DSCAM: variants seen among roughly 807,000 people sequenced by gnomAD.
DSCAM encodes DS cell adhesion molecule.
Under a neutral mutation model 217.7 loss-of-function variants are expected in DSCAM, and 47 were observed. The ratio of observed to expected loss-of-function variants is 0.22; its 90% CI spans 0.17 to 0.28. The LOEUF is 0.28. DSCAM is among the 10% of genes least tolerant of loss of function. The pLI is 1.00. For missense variants in DSCAM, 2,080 were observed against 2,618.3 expected, an observed-to-expected ratio of 0.79 and a Z score of 4.49; for synonymous variants, 1,056 against 1,015.3, an observed-to-expected ratio of 1.04 and a Z score of -0.76.
intron 1 of DSCAM, among the ~76,000 whole-genome samples, chr21:40,845,175 T>C (rs141153200): frequency 7.2e-4 from 110 of 152,360 alleles, no homozygotes; most frequent in African/African-American, 2.5e-3. Context: ...TGTCAGAACT[T>C]GTTGCAATTC....
chr21:40,734,543 C>T (rs1021036660), intron 1 of DSCAM, among the ~76,000 whole-genome samples: 9 of 152,340 alleles, frequency 5.9e-5, no homozygotes, highest in Non-Finnish European at 1.2e-4. Flanking sequence ...TTCCATCCAA[C>T]CTGTGTAAAT....
rs1555896636 is a variant in DSCAM, at chr21:40,266,799, TAC to T, written c.2356+9296_2356+9297del. ...ATGCATATATATATATATATATATA[TAC>T]ACACACACACACCCCCACACACATC... On this transcript the variant is annotated intron_variant, in intron 11 of 32. Coordinates refer to ENST00000400454, the MANE Select transcript of DSCAM (RefSeq NM_001389.5). Among the ~76,000 whole-genome samples the T allele has an allele frequency of 1.9e-3, 251 of 129,486 alleles. 3 individuals are homozygous for T. The highest frequency in any genetic ancestry group is 6.6e-3 in the African/African-American group (194 of 29,410). The allele number at this position is 129,486 out of a possible 152,430, so 84.9% of individuals were successfully genotyped here.
chr21:40,549,242 C>A (rs1236833469), intron 3 of DSCAM, among the ~76,000 whole-genome samples: 1 of 152,048 alleles, frequency 6.6e-6, no homozygotes, highest in Non-Finnish European at 1.5e-5. Flanking sequence ...ATACCAACAA[C>A]AAAAATATTA....
chr21:40,715,438 C>T (rs2837793), intron 1 of DSCAM, among the ~76,000 whole-genome samples: 71,319 of 152,032 alleles, frequency 0.47, 20,243 homozygotes, highest in African/African-American at 0.81. Flanking sequence ...ACACCAATTG[C>T]CAAAAGGTGG....
chr21:40,803,972 T>C (rs944516192), intron 1 of DSCAM, among the ~76,000 whole-genome samples: 5 of 152,140 alleles, frequency 3.3e-5, no homozygotes, highest in African/African-American at 9.7e-5. Context: ...AGCCTCAGAC[T>C]CTTTACTCTC....
At chr21:40,114,891 T>G (rs535182967) in intron 20 of DSCAM, among the ~76,000 whole-genome samples, 1 of 152,042 alleles carries the variant, frequency 6.6e-6, no homozygotes, top group African/African-American at 2.4e-5. Context: ...TTAGAATGGC[T>G]ATCATTAAAA....
chr21:40,249,219 G>T (rs2073269204), intron 11 of DSCAM, among the ~76,000 whole-genome samples: 1 of 152,170 alleles, frequency 6.6e-6, no homozygotes, highest in Non-Finnish European at 1.5e-5. Flanking sequence ...TTGGCTCTGT[G>T]TTCCCACCCA....
intron 3 of DSCAM, among the ~76,000 whole-genome samples, chr21:40,514,649 AT>A (rs535523340): frequency 6.6e-6 from 1 of 152,112 alleles, no homozygotes; most frequent in East Asian, 1.9e-4. Flanking sequence ...TTTATGAAAG[AT>A]TTTTTTTCTT....
intron 1 of DSCAM, among the ~76,000 whole-genome samples, chr21:40,790,183 T>TC (rs1335881233): frequency 1.4e-3 from 201 of 139,552 alleles, no homozygotes; most frequent in African/African-American, 4.2e-3. Context: ...TTTCTTTCTT[T>TC]TTTTTTTTTT....
intron 3 of DSCAM, among the ~76,000 whole-genome samples, chr21:40,508,271 G>T (rs1040139060): frequency 6.2e-4 from 94 of 152,118 alleles, no homozygotes; most frequent in African/African-American, 2.1e-3. Context: ...TTTTAGAAAA[G>T]AAATAAATCA....
intron 10 of DSCAM, among the ~76,000 whole-genome samples, chr21:40,281,542 C>G (rs149166661): frequency 1.3e-5 from 2 of 152,180 alleles, no homozygotes; most frequent in Non-Finnish European, 2.9e-5. Context: ...GATGCATATT[C>G]AAATCTTAAA....
At chr21:40,369,387 TGTG>T in intron 3 of DSCAM, 142 bp from the exon 4 acceptor site, 1 of 217,628 alleles carries the variant, frequency 4.6e-6, no homozygotes, top group Non-Finnish European at 8.3e-6. Context: ...TGCGTCTGCG[TGTG>T]TGTGTGTGTG....
chr21:40,832,059 T>C (rs1489042963), intron 1 of DSCAM, among the ~76,000 whole-genome samples: 2 of 152,186 alleles, frequency 1.3e-5, no homozygotes, highest in Admixed American at 6.5e-5. Flanking sequence ...CAGGGCCTGA[T>C]AGTCAACATT....
intron 18 of DSCAM, among the ~76,000 whole-genome samples, chr21:40,135,321 T>A (rs75076957): frequency 6.6e-6 from 1 of 152,104 alleles, no homozygotes; most frequent in Non-Finnish European, 1.5e-5. Context: ...ATATAGGGAG[T>A]GGATGTGATA....
At chr21:40,759,583 A>G (rs901019996) in intron 1 of DSCAM, among the ~76,000 whole-genome samples, 1 of 152,142 alleles carries the variant, frequency 6.6e-6, no homozygotes, top group African/African-American at 2.4e-5. Context: ...AATTATGCAC[A>G]TCAATACGGC....
At chr21:40,292,055 C>G (rs2073898592) in intron 10 of DSCAM, among the ~76,000 whole-genome samples, 1 of 123,744 alleles carries the variant, frequency 8.1e-6, no homozygotes, top group Admixed American at 7.5e-5. Flanking sequence ...CAGAATGAAG[C>G]CCTGATTTTT....
intron 8 of DSCAM, among the ~76,000 whole-genome samples, chr21:40,334,539 C>G (rs2074409505): frequency 6.6e-6 from 1 of 152,124 alleles, no homozygotes; most frequent in African/African-American, 2.4e-5. Context: ...TGGTCCAAGC[C>G]ACCATCATCT....
chr21:40,806,826 T>C (rs939040513), intron 1 of DSCAM, among the ~76,000 whole-genome samples: 4 of 152,142 alleles, frequency 2.6e-5, no homozygotes, highest in Admixed American at 6.5e-5. Context: ...TGGATGAAGC[T>C]GGAAACCATC....
At chr21:40,363,252 C>CTTTTTTTTT (rs35756323) in intron 4 of DSCAM, among the ~76,000 whole-genome samples, 1 of 116,166 alleles carries the variant, frequency 8.6e-6, no homozygotes, top group Non-Finnish European at 1.7e-5. Context: ...TTTTTGTGTT[C>CTTTTTTTTT]TTTTTTTTTT....
Sources: gnomAD v4.1 joint callset for allele counts (sites outside exome capture counted in the v4.1 genomes callset) on GRCh38, gnomAD v4.1.1 for gene constraint, MANE v1.5 for transcripts, NCBI Gene and HGNC (gene_info 2026-07-23, HGNC 2026-07-21) for gene names.